The following HMGN4 variants were observed in gnomAD, a reference collection of about 807,000 sequenced individuals.
HMGN4 encodes the protein high mobility group nucleosomal binding domain 4.
For synonymous variants in HMGN4, 39 were observed against 39.1 expected, an observed-to-expected ratio of 1.00 and a Z score of 0.01; for missense variants, 69 against 104.9, an observed-to-expected ratio of 0.66 and a Z score of 1.49.
At position 26,546,133 on chromosome 6, in the gene HMGN4, G is replaced by A. The variant is rs1334717427; in HGVS notation, c.*654G>A. Reference sequence around the variant, plus strand: ...ACGACATATCTTGTTAACTTTTACGGTGACTTTTGGAGGAGGGGAGTTTGG... The same window carrying A: ...ACGACATATCTTGTTAACTTTTACGATGACTTTTGGAGGAGGGGAGTTTGG... On this transcript the variant is annotated 3_prime_UTR_variant, in exon 2 of 2. Transcript: ENST00000377575. 6.0e-6 allele frequency: 1 copy of A among 167,072 alleles called. No homozygotes were observed. The highest frequency in any genetic ancestry group is 1.5e-5 in the Non-Finnish European group (1 of 68,124). 10.3% of individuals were successfully genotyped at this position (167,072 alleles called of 1,614,324 possible). A position where few individuals can be genotyped will look rare whatever the true frequency, so the allele number is the denominator to read the frequency against.
chr6:26,545,461 C>A lies in HMGN4; in HGVS notation c.255C>A (p.Gly85=). 6.4e-7 allele frequency: 1 copy of A among 1,566,720 alleles called. No homozygotes were observed. The highest frequency in any genetic ancestry group is 2.0e-5 in the Admixed American group (1 of 49,768). The change falls in exon 2 of 2, where the codon GGC becomes GGA. Residue 85 remains glycine, a synonymous_variant. Transcript: ENST00000377575. ...ASTLQSQKAE[G]TGDAK is the part of the protein sequence containing the mutation. Reference sequence around the variant, plus strand: ...CACTCCAGTCCCAGAAAGCGGAAGGCACTGGGGATGCCAAGTGAAATGTAC... The same window carrying A: ...CACTCCAGTCCCAGAAAGCGGAAGGAACTGGGGATGCCAAGTGAAATGTAC...
intron 1 of HMGN4, among the ~76,000 whole-genome samples, chr6:26,543,421 C>CT (rs70977285): frequency 0.012 from 988 of 80,120 alleles, 67 homozygotes; most frequent in Admixed American, 0.064. Flanking sequence ...GCACCATTAC[C>CT]TTTTTTTTTT....
chr6:26,538,418 C>G lies in HMGN4; in HGVS notation c.-164C>G, dbSNP rs1764244808. 6.6e-6 allele frequency: 1 copy of G among 152,398 alleles called. No individual in the cohort carries two copies. The highest frequency in any genetic ancestry group is 2.4e-5 in the African/African-American group (1 of 41,470). The allele number at this position is 152,398 out of a possible 1,614,324, so 9.4% of individuals were successfully genotyped here. A position where few individuals can be genotyped will look rare whatever the true frequency, so the allele number is the denominator to read the frequency against. Reference sequence around the variant, plus strand: ...CGTCTTCTCTGTCTTAGGGCTGGTGCTGGCCCTGCCCACGCCTAGGGCTCC... The same window carrying G: ...CGTCTTCTCTGTCTTAGGGCTGGTGGTGGCCCTGCCCACGCCTAGGGCTCC... On this transcript the variant is annotated 5_prime_UTR_variant, in exon 1 of 2. Coordinates refer to ENST00000377575, the MANE Select transcript of HMGN4 (RefSeq NM_006353.3).
rs925129541 is a variant in HMGN4 at position 26,546,468 on chromosome 6, T to C, written c.*989T>C. On this transcript the variant is annotated 3_prime_UTR_variant, in exon 2 of 2. Coordinates refer to ENST00000377575, the MANE Select transcript of HMGN4 (RefSeq NM_006353.3). Reference sequence around the variant, plus strand: ...TCCTTTCCCCAGTGATTTGTAACACTGCCTCTTTCATAAATTAAATTTTTG... The same window carrying C: ...TCCTTTCCCCAGTGATTTGTAACACCGCCTCTTTCATAAATTAAATTTTTG... Among the ~76,000 whole-genome samples, 8 of 152,266 alleles carry C rather than the reference T, an allele frequency of 5.3e-5. No individual in the cohort carries two copies. The highest frequency in any genetic ancestry group is 8.8e-5 in the Non-Finnish European group (6 of 68,044).
At chr6:26,540,808 T>C (rs1764279983) in intron 1 of HMGN4, among the ~76,000 whole-genome samples, 1 of 152,146 alleles carries the variant, frequency 6.6e-6, no homozygotes, top group South Asian at 2.1e-4. Context: ...GGATTGAGGC[T>C]AAAACCCAAG....
intron 1 of HMGN4, chr6:26,539,792 C>T (rs759380451): frequency 2.0e-5 from 3 of 152,106 alleles, no homozygotes; most frequent in Non-Finnish European, 4.4e-5. Context: ...AAGACAACAC[C>T]TTGGCTAGCA....
At chr6:26,540,421 G>A (rs933703719) in intron 1 of HMGN4, among the ~76,000 whole-genome samples, 8 of 150,516 alleles carry the variant, frequency 5.3e-5, no homozygotes, top group African/African-American at 9.8e-5. Context: ...TGCAACCTCC[G>A]CCTCCCAGGC....
rs1354248343 is a variant in HMGN4, at chr6:26,542,045, CTA to C, written c.-80-3080_-80-3079del. ...GATGATACCATTGAAAGTCATTTCT[CTA>C]TGTTTCCAAAAGTTGTACAATTACT... On this transcript the variant is annotated intron_variant, in intron 1 of 1. Coordinates refer to ENST00000377575, the MANE Select transcript of HMGN4 (RefSeq NM_006353.3). This position sits in a 1 kb window ranked among gnomAD's most constrained non-coding sequence, Gnocchi z 4.6. Among the ~76,000 whole-genome samples, 2 of 152,194 alleles carry C rather than the reference CTA, an allele frequency of 1.3e-5. No homozygotes were observed. The highest frequency in any genetic ancestry group is 4.8e-5 in the African/African-American group (2 of 41,456).
chr6:26,545,030 A>G (rs1003346538), intron 1 of HMGN4, 97 bp from the exon 2 acceptor site: 26 of 432,502 alleles, frequency 6.0e-5, no homozygotes, highest in Non-Finnish European at 1.1e-4. Flanking sequence ...CTTTTTTGAT[A>G]TACACGAATT....
intron 1 of HMGN4, among the ~76,000 whole-genome samples, chr6:26,544,091 T>C (rs927646213): frequency 6.6e-6 from 1 of 152,256 alleles, no homozygotes; most frequent in South Asian, 2.1e-4. Flanking sequence ...CATACAATTT[T>C]TCTGTGTAAG....
At chr6:26,543,119 A>G (rs1764306338) in intron 1 of HMGN4, among the ~76,000 whole-genome samples, 1 of 152,208 alleles carries the variant, frequency 6.6e-6, no homozygotes, top group Non-Finnish European at 1.5e-5. Context: ...TCATTGCCCA[A>G]GTTAGGTCAC....
Position 26,545,139 on chromosome 6 carries a change from G to A in HMGN4, c.-68G>A. On this transcript the variant is annotated 5_prime_UTR_variant, in exon 2 of 2. Transcript: ENST00000377575. ...TGTCTTGTTAAAGACATCTTTCCAG[G>A]AACAGCGTGAGGAGGACAGAAGCAC... 1.5e-6 allele frequency: 2 copies of A among 1,329,702 alleles called. No individual in the cohort carries two copies. The highest frequency in any genetic ancestry group is 2.0e-6 in the Non-Finnish European group (2 of 998,502). 82.4% of individuals were successfully genotyped at this position (1,329,702 alleles called of 1,614,324 possible).
rs904862419 is a variant in HMGN4, at chr6:26,542,488, C to A, written c.-80-2639C>A. On this transcript the variant is annotated intron_variant, in intron 1 of 1. Transcript: ENST00000377575. The surrounding 1 kb of genome is among the most constrained non-coding windows in gnomAD (Gnocchi z 4.6). ...TAATATATGCCATTACAGTAGCATA[C>A]AAAAGAGTTTCATTTACCTAAAAAT... Among the ~76,000 whole-genome samples, 1 of 152,190 alleles carries A rather than the reference C, an allele frequency of 6.6e-6. No homozygotes were observed. Among genetic ancestry groups the A allele is most frequent in the African/African-American group, 2.4e-5 (1 of 41,446 alleles).
chr6:26,540,729 A>G (rs2113581628), intron 1 of HMGN4, among the ~76,000 whole-genome samples: 1 of 151,886 alleles, frequency 6.6e-6, no homozygotes, highest in Middle Eastern at 3.4e-3. Context: ...CTTCCCTCCA[A>G]CCCCCAAACA....
rs1167881694 is a variant in HMGN4 at position 26,542,021 on chromosome 6, A to AT, written c.-80-3105dup. 6.6e-6 allele frequency among the ~76,000 whole-genome samples: 1 copy of AT among 152,216 alleles called. No homozygotes were observed. Among genetic ancestry groups the AT allele is most frequent in the Non-Finnish European group, 1.5e-5 (1 of 68,040 alleles). ...TCTGTCTTGATAATTTCTTGCCCTG[A>AT]TGATACCATTGAAAGTCATTTCTCT... On this transcript the variant is annotated intron_variant, in intron 1 of 1. Coordinates refer to ENST00000377575, the MANE Select transcript of HMGN4 (RefSeq NM_006353.3). The surrounding 1 kb of genome is among the most constrained non-coding windows in gnomAD (Gnocchi z 4.6).
At chr6:26,544,137 A>C (rs149234204) in intron 1 of HMGN4, among the ~76,000 whole-genome samples, 284 of 152,310 alleles carry the variant, frequency 1.9e-3, no homozygotes, top group African/African-American at 6.1e-3. Context: ...CTTCCCCTAC[A>C]GTTTAAAGAA....
chr6:26,542,192 T>A lies in HMGN4; in HGVS notation c.-80-2935T>A, dbSNP rs1295154579. On this transcript the variant is annotated intron_variant, in intron 1 of 1. Transcript: ENST00000377575. The surrounding 1 kb of genome is among the most constrained non-coding windows in gnomAD (Gnocchi z 4.6). ...TTTTTTGAACTCTTAAAATGCGTATTTTTTTTTTACATTAATAGACTTCCT... is the reference window on the plus strand; with the variant it reads ...TTTTTTGAACTCTTAAAATGCGTATATTTTTTTTACATTAATAGACTTCCT... 6.6e-6 allele frequency among the ~76,000 whole-genome samples: 1 copy of A among 150,782 alleles called. No individual in the cohort carries two copies. The highest frequency in any genetic ancestry group is 2.4e-5 in the African/African-American group (1 of 41,084).
intron 1 of HMGN4, among the ~76,000 whole-genome samples, chr6:26,539,496 C>G (rs1764260838): frequency 6.6e-6 from 1 of 151,928 alleles, no homozygotes; most frequent in Admixed American, 6.6e-5. Context: ...GTCTCAAACT[C>G]CTGACCTCAA....
rs572901945 is a variant in HMGN4, at chr6:26,545,413, T to C, written c.207T>C (p.Pro69=). ...KADAGKDGNN[P]AKNRDASTLQ... ...ATGCTGGAAAGGATGGGAACAACCC[T>C]GCAAAAAACCGAGATGCCTCTACAC... Residue 69 remains proline (P), a synonymous_variant, in exon 2 of 2, where the codon CCT becomes CCC. Coordinates refer to ENST00000377575, the MANE Select transcript of HMGN4 (RefSeq NM_006353.3). 1 of 1,608,540 alleles carries C rather than the reference T, an allele frequency of 6.2e-7. No individual in the cohort carries two copies. Among genetic ancestry groups the C allele is most frequent in the African/African-American group, 1.3e-5 (1 of 74,382 alleles).
Sources: allele counts gnomAD v4.1 joint callset (sites outside exome capture counted in the v4.1 genomes callset), GRCh38; gene constraint gnomAD v4.1.1; non-coding constraint Gnocchi (gnomAD v3.1); transcripts MANE v1.5; gene names NCBI Gene and HGNC (gene_info 2026-07-23, HGNC 2026-07-21).